Variants in CIMIP7 observed in about 807,000 individuals in gnomAD.
CIMIP7 encodes ciliary microtubule inner protein 7.
the CIMIP7 span, chr3:49,178,633 A>C: frequency 2.8e-6 from 3 of 1,073,594 alleles, no homozygotes; most frequent in Non-Finnish European, 4.2e-6. Context: ...TAATGGAGGG[A>C]AGTCACCAGG....
chr3:49,181,029 G>C, the CIMIP7 span, among the ~76,000 whole-genome samples: 6 of 151,648 alleles, frequency 4.0e-5, no homozygotes, highest in Admixed American at 3.3e-4. Flanking sequence ...CAAGAAGGTG[G>C]GAAGCTTTCA....
chr3:49,182,806 G>T, the CIMIP7 span, among the ~76,000 whole-genome samples: 3 of 152,326 alleles, frequency 2.0e-5, no homozygotes, highest in Non-Finnish European at 4.4e-5. Context: ...CCCGAGCCCT[G>T]CCCCGCGGGA....
At chr3:49,189,998 C>T in the CIMIP7 span, 11 of 1,564,692 alleles carry the variant, frequency 7.0e-6, no homozygotes, top group African/African-American at 1.2e-4. Flanking sequence ...TCTAGTCACC[C>T]CCGCTGCCTT....
the CIMIP7 span, among the ~76,000 whole-genome samples, chr3:49,181,108 G>A: frequency 1.3e-5 from 2 of 151,956 alleles, no homozygotes; most frequent in South Asian, 2.1e-4. Context: ...TTGGGAGGCA[G>A]AGGCGGATAG....
chr3:49,189,793 C>T, the CIMIP7 span: 1 of 682,142 alleles, frequency 1.5e-6, no homozygotes. Flanking sequence ...CGGCTAGGCC[C>T]TTACCCTTTG....
chr3:49,186,742 A>G, the CIMIP7 span, among the ~76,000 whole-genome samples: 3 of 151,992 alleles, frequency 2.0e-5, no homozygotes, highest in Non-Finnish European at 2.9e-5. Context: ...TAATACACAC[A>G]CACGCACGCA....
chr3:49,181,837 A>G, the CIMIP7 span, among the ~76,000 whole-genome samples: 1 of 152,232 alleles, frequency 6.6e-6, no homozygotes, highest in Non-Finnish European at 1.5e-5. Context: ...ACTGACATCA[A>G]GACTGAAGCC....
chr3:49,185,274 A>G, the CIMIP7 span, among the ~76,000 whole-genome samples: 1 of 151,118 alleles, frequency 6.6e-6, no homozygotes, highest in African/African-American at 2.4e-5. Flanking sequence ...GAAAAAAAAA[A>G]ATTACATAGA....
At chr3:49,191,669 C>A in the CIMIP7 span, 2,554 of 1,506,582 alleles carry the variant, frequency 1.7e-3, 8 homozygotes, top group Middle Eastern at 0.011. Context: ...CTTTTCACTT[C>A]ACCGGCATGA....
the CIMIP7 span, among the ~76,000 whole-genome samples, chr3:49,184,512 G>T: frequency 6.6e-6 from 1 of 151,820 alleles, no homozygotes; most frequent in Non-Finnish European, 1.5e-5. Flanking sequence ...CCAGAGATAG[G>T]GTTTCACCAT....
the CIMIP7 span, chr3:49,189,914 C>A: frequency 1.2e-6 from 1 of 827,356 alleles, no homozygotes; most frequent in Middle Eastern, 2.2e-4. Context: ...AAAGCCTGTC[C>A]CAGGGATAGG....
At chr3:49,187,590 G>A in the CIMIP7 span, among the ~76,000 whole-genome samples, 7 of 151,928 alleles carry the variant, frequency 4.6e-5, no homozygotes, top group South Asian at 4.1e-4. Flanking sequence ...GGCAGTTGAC[G>A]GCTGGAAATA....
At chr3:49,182,970 G>A in the CIMIP7 span, among the ~76,000 whole-genome samples, 7 of 152,162 alleles carry the variant, frequency 4.6e-5, no homozygotes, top group African/African-American at 1.4e-4. Context: ...AGTACAGCGC[G>A]CAGCCCCAGT....
the CIMIP7 span, among the ~76,000 whole-genome samples, chr3:49,185,432 G>C: frequency 1.3e-5 from 2 of 151,140 alleles, no homozygotes; most frequent in African/African-American, 4.9e-5. Context: ...TGGACACGGT[G>C]GTGGGTACCT....
At chr3:49,189,949 G>T in the CIMIP7 span, 1 of 1,049,382 alleles carries the variant, frequency 9.5e-7, no homozygotes, top group Non-Finnish European at 1.5e-6. Flanking sequence ...TGGAAGGGCT[G>T]GGATGATGCT....
chr3:49,178,360 C>T, the CIMIP7 span: 1 of 857,444 alleles, frequency 1.2e-6, no homozygotes, highest in Non-Finnish European at 1.9e-6. Context: ...AAGACAGCCA[C>T]TCCTCTGCCT....
chr3:49,189,403 G>T, the CIMIP7 span, among the ~76,000 whole-genome samples: 5 of 151,962 alleles, frequency 3.3e-5, no homozygotes, highest in Non-Finnish European at 7.4e-5. Flanking sequence ...GAGCCACCTC[G>T]CCCAGCTGTG....
the CIMIP7 span, chr3:49,191,554 G>T: frequency 1.4e-6 from 1 of 704,180 alleles, no homozygotes; most frequent in Non-Finnish European, 2.6e-6. Context: ...ATGGAAGGGG[G>T]CAAAGTGTTA....
the CIMIP7 span, among the ~76,000 whole-genome samples, chr3:49,181,895 G>A: frequency 5.9e-3 from 893 of 152,272 alleles, 9 homozygotes; most frequent in African/African-American, 0.02. Flanking sequence ...CGGCATGTCC[G>A]GAGTTTGTTC....
Sources: gnomAD v4.1 joint callset for allele counts (sites outside exome capture counted in the v4.1 genomes callset) on GRCh38, gnomAD v4.1.1 for gene constraint, MANE v1.5 for transcripts, NCBI Gene and HGNC (gene_info 2026-07-23, HGNC 2026-07-21) for gene names.